ENG: variants seen among roughly 807,000 people sequenced by gnomAD.
ENG encodes the protein CD105 antigen.
A neutral mutation model predicts 71.0 loss-of-function variants in ENG; 17 were observed. The ratio of observed to expected loss-of-function variants is 0.24; its 90% CI spans 0.16 to 0.36. The LOEUF is 0.36. Ranked by LOEUF, ENG falls within the 10% of genes least tolerant of loss-of-function variation. ENG has a pLI of 1.00. For missense variants in ENG, 749 were observed against 868.3 expected (o/e 0.86, Z 1.73); for synonymous variants, 360 against 366.9 (o/e 0.98, Z 0.21).
At chr9:127,820,275 C>T (rs1588577259) in intron 8 of ENG, among the ~76,000 whole-genome samples, 1 of 152,106 alleles carries the variant, frequency 6.6e-6, no homozygotes, top group Non-Finnish European at 1.5e-5. Context: ...CTCACTACAA[C>T]CTCCACCTCC....
At chr9:127,843,670 G>A (rs1831096790) in intron 1 of ENG, among the ~76,000 whole-genome samples, 1 of 106,810 alleles carries the variant, frequency 9.4e-6, no homozygotes, top group African/African-American at 3.6e-5. Flanking sequence ...CATATACATA[G>A]ATCTACATAT....
intron 2 of ENG, among the ~76,000 whole-genome samples, chr9:127,842,841 C>G (rs1831072422): frequency 6.6e-6 from 1 of 152,148 alleles, no homozygotes; most frequent in African/African-American, 2.4e-5. Flanking sequence ...CCCCACCCAT[C>G]TGGCTCTTCT....
Position 127,833,830 on chromosome 9 carries a change from T to C in ENG, c.220-4003A>G, listed in dbSNP as rs574050823. Among the ~76,000 whole-genome samples the C allele has an allele frequency of 3.5e-4, 54 of 152,356 alleles. 1 individual carries two copies. Among genetic ancestry groups the C allele is most frequent in the Admixed American group, 3.3e-3 (50 of 15,302 alleles). The stretch of plus-strand genomic sequence containing the variant: ...ACTGGAAAAATCTGCCCAGAAATAT[T>C]TCTGTTACTCAATAATGATACCATA... On this transcript the variant is annotated intron_variant, in intron 2 of 14. Transcript: ENST00000373203.
At chr9:127,818,093 G>A in intron 12 of ENG, 27 bp downstream of exon 12, 1 of 1,613,878 alleles carries the variant, frequency 6.2e-7, no homozygotes, top group Non-Finnish European at 8.5e-7. Flanking sequence ...CCCACTTGAA[G>A]CTGGGGCCGG....
rs1831179054 is a variant in ENG at position 127,846,836 on chromosome 9, C to T, written c.68-3591G>A. 2 of 983,910 alleles carry T rather than the reference C, an allele frequency of 2.0e-6. No homozygotes were observed. Among genetic ancestry groups the T allele is most frequent in the Non-Finnish European group, 2.4e-6 (2 of 828,684 alleles). The allele number at this position is 983,910 out of a possible 1,614,324, so 60.9% of individuals were successfully genotyped here. A position where few individuals can be genotyped will look rare whatever the true frequency, so the allele number is the denominator to read the frequency against. On this transcript the variant is annotated intron_variant, in intron 1 of 14. Transcript: ENST00000373203. The surrounding 1 kb of genome is among the most constrained non-coding windows in gnomAD (Gnocchi z 5.5). ...CGCTGGGGGCCTGGGTGACTGGAAC[C>T]CCAAGTGAGAGACCCAGAAGCCACC...
intron 8 of ENG, among the ~76,000 whole-genome samples, chr9:127,822,087 C>T (rs1252473268): frequency 6.6e-6 from 1 of 151,878 alleles, no homozygotes; most frequent in African/African-American, 2.4e-5. Context: ...CCACTGTAGC[C>T]AAAATTGAAA....
rs1248553739 is a variant in ENG at position 127,825,258 on chromosome 9, G to A, written c.789C>T (p.Ile263=). Residue 263 remains isoleucine, a synonymous_variant, in exon 6 of 15, where the codon ATC becomes ATT. Transcript: ENST00000373203. ...AGATCTGCATGTTGTGGTTGGCGTC[G>A]ATGAGCCAGGACACGTAGGGGGGAC... The part of the protein sequence containing the change: ...LQGPPYVSWL[I]DANHNMQIWT... 1.9e-6 allele frequency: 3 copies of A among 1,612,512 alleles called. No homozygotes were observed. The highest frequency in any genetic ancestry group is 4.5e-5 in the East Asian group (2 of 44,804).
At position 127,838,575 on chromosome 9, in the gene ENG, G is replaced by A. The variant is rs1830956993; in HGVS notation, c.219+4519C>T. On this transcript the variant is annotated intron_variant, in intron 2 of 14. Coordinates refer to ENST00000373203, the MANE Select transcript of ENG (RefSeq NM_001114753.3). This position sits in a 1 kb window ranked among gnomAD's most constrained non-coding sequence, Gnocchi z 4.3. ...GCTGTGTCTGTTCAGGGGTGGGTGG[G>A]GTCTCAGCTGCCCCAAGTTTGCCCA... 6.6e-6 allele frequency among the ~76,000 whole-genome samples: 1 copy of A among 152,150 alleles called. No homozygotes were observed. The highest frequency in any genetic ancestry group is 1.5e-5 in the Non-Finnish European group (1 of 68,022).
At position 127,824,378 on chromosome 9, in the gene ENG, G is replaced by A. The variant is rs36092484; in HGVS notation, c.1060C>T (p.Leu354=). 23,999 of 1,614,118 alleles carry A rather than the reference G, an allele frequency of 0.015. 480 individuals are homozygous for A. Among genetic ancestry groups the A allele is most frequent in the African/African-American group, 0.095 (7,111 of 75,002 alleles). The change falls in exon 8 of 15, where the codon CTG becomes TTG. Residue 354 remains leucine, a synonymous_variant. Transcript: ENST00000373203. ...TPPKDTCSPE[L]LMSLIQTKCA... ...TTTGTCTGGATCAAGGACATGAGCA[G>A]CTCCGGGCTACAAGTGTCCTTGGGA...
At chr9:127,828,630 C>T (rs144786067) in intron 3 of ENG, among the ~76,000 whole-genome samples, 1 of 152,310 alleles carries the variant, frequency 6.6e-6, no homozygotes, top group African/African-American at 2.4e-5. Context: ...GATTCCCCTT[C>T]TGGGCGGCCG....
At position 127,824,873 on chromosome 9, in the gene ENG, G is replaced by A; in HGVS notation, c.918C>T (p.Leu306=). Residue 306 remains leucine (L), a synonymous_variant, in exon 7 of 15, where the codon CTC becomes CTT. Coordinates refer to ENST00000373203, the MANE Select transcript of ENG (RefSeq NM_001114753.3). ...PQGLLGEARM[L]NASIVASFVE... Reference sequence around the variant, plus strand: ...CGAAGGATGCCACAATGCTGGCATTGAGCATCCGGGCCTCCCCCAGGAGGC... The same window carrying A: ...CGAAGGATGCCACAATGCTGGCATTAAGCATCCGGGCCTCCCCCAGGAGGC... The A allele has an allele frequency of 6.2e-7, 1 of 1,611,502 alleles. No individual in the cohort carries two copies. Among genetic ancestry groups the A allele is most frequent in the African/African-American group, 1.3e-5 (1 of 74,886 alleles).
At chr9:127,826,987 A>G (rs1830634105) in intron 3 of ENG, 1 of 390,312 alleles carries the variant, frequency 2.6e-6, no homozygotes. Context: ...GTCTCTCCCT[A>G]TACCCTGAGG....
chr9:127,843,002 C>A, intron 2 of ENG, 92 bp downstream of exon 2: 1 of 1,595,076 alleles, frequency 6.3e-7, no homozygotes, highest in South Asian at 1.1e-5. Flanking sequence ...TCAGCCACTG[C>A]CCCAGGGACA....
chr9:127,819,314 C>T, intron 10 of ENG: 6 of 424,260 alleles, frequency 1.4e-5, no homozygotes. Flanking sequence ...CACACAGCAC[C>T]TCATTGGCTG....
rs141330288 is a variant in ENG, at chr9:127,818,359, C to T, written c.1447G>A (p.Val483Ile). ...SFVQVRVSPSVSEFLLQLDSC... is the reference protein window; with the variant it reads ...SFVQVRVSPSISEFLLQLDSC... The stretch of plus-strand genomic sequence containing the variant: ...TCTAACTGGAGCAGGAACTCGGAGA[C>T]GGATGGGGACACTCTGACCTGCATG... The change falls in exon 12 of 15, where the codon GTC (valine) becomes ATC (isoleucine). Residue 483 changes from valine to isoleucine, a missense_variant. Transcript: ENST00000373203. 130 of 1,613,772 alleles carry T rather than the reference C, an allele frequency of 8.1e-5. No individual in the cohort carries two copies. In the African/African-American group the frequency reaches 8.7e-4, roughly 11 times the overall value.
intron 9 of ENG, 42 bp from the exon 10 acceptor site, chr9:127,819,702 A>ACCC: frequency 3.1e-6 from 5 of 1,592,032 alleles, no homozygotes; most frequent in Non-Finnish European, 4.3e-6. Context: ...GCCAGAAAGG[A>ACCC]CCCCAGAGGG....
rs777525174 is a variant in ENG at position 127,818,382 on chromosome 9, A to G, written c.1429-5T>C. On this transcript the variant is annotated splice_polypyrimidine_tract_variant and splice_region_variant and intron_variant, in intron 11 of 14. Coordinates refer to ENST00000373203, the MANE Select transcript of ENG (RefSeq NM_001114753.3). ...GACGGATGGGGACACTCTGACCTGC[A>G]TGGGTAGGTAGGGCCACGCGGCATG... 4 of 1,613,048 alleles carry G rather than the reference A, an allele frequency of 2.5e-6. No individual in the cohort carries two copies. The highest frequency in any genetic ancestry group is 1.3e-5 in the African/African-American group (1 of 74,916).
intron 2 of ENG, 80 bp downstream of exon 2, chr9:127,843,014 C>T: frequency 6.2e-7 from 1 of 1,606,444 alleles, no homozygotes; most frequent in South Asian, 1.1e-5. Context: ...CCAGGGACAG[C>T]CACAAGGAAG....
intron 1 of ENG, among the ~76,000 whole-genome samples, chr9:127,853,209 G>A (rs549046647): frequency 2.3e-4 from 35 of 152,210 alleles, no homozygotes; most frequent in African/African-American, 7.0e-4. Context: ...TCAGGTGGTG[G>A]GCAGAGCTTT....
Sources: gnomAD v4.1 joint callset for allele counts (sites outside exome capture counted in the v4.1 genomes callset) on GRCh38, gnomAD v4.1.1 for gene constraint, Gnocchi (gnomAD v3.1) non-coding constraint, MANE v1.5 for transcripts, NCBI Gene and HGNC (gene_info 2026-07-23, HGNC 2026-07-21) for gene names.